The following COL19A1 variants were observed in gnomAD, a reference collection of about 807,000 sequenced individuals.
The protein encoded by COL19A1 is collagen type XIX alpha 1 chain.
Under a neutral mutation model 190.2 loss-of-function variants are expected in COL19A1, and 159 were observed. The ratio of observed to expected loss-of-function variants is 0.84; its 90% confidence interval spans 0.73 to 0.95. The LOEUF is 0.95. Ranked by LOEUF, COL19A1 falls within the 40% of genes least tolerant of loss-of-function variation. The pLI is 0.00. For synonymous variants in COL19A1, 509 were observed against 458.9 expected, an observed-to-expected ratio of 1.11 and a Z score of -1.39; for missense variants, 1,418 against 1,431.9, an observed-to-expected ratio of 0.99 and a Z score of 0.16.
At chr6:70,051,683 T>A (rs1309070214) in intron 14 of COL19A1, among the ~76,000 whole-genome samples, 1 of 152,088 alleles carries the variant, frequency 6.6e-6, no homozygotes, top group African/African-American at 2.4e-5. Flanking sequence ...ACCTCCCTCG[T>A]AAGACATGCA....
rs1214116511 is a variant in COL19A1, at chr6:69,896,589, C to T, written c.92-2359C>T. Among the ~76,000 whole-genome samples the T allele has an allele frequency of 2.1e-5, 3 of 141,414 alleles. No individual in the cohort carries two copies. In the East Asian group the frequency reaches 6.2e-4, roughly 29 times the overall value. 92.8% of individuals were successfully genotyped at this position (141,414 alleles called of 152,430 possible). On this transcript the variant is annotated intron_variant, in intron 2 of 50. Coordinates refer to ENST00000620364, the MANE Select transcript of COL19A1 (RefSeq NM_001858.6). ...AAAAAAAATACTGCCAAACAGTTTT[C>T]TGAAGTGTACTAATTTCCACTCCTA...
intron 4 of COL19A1, among the ~76,000 whole-genome samples, chr6:69,900,968 C>T (rs1770153275): frequency 6.6e-6 from 1 of 151,824 alleles, no homozygotes; most frequent in Non-Finnish European, 1.5e-5. Flanking sequence ...GGTCAGCAAC[C>T]ATACAGGGCA....
intron 14 of COL19A1, among the ~76,000 whole-genome samples, chr6:70,056,685 C>T (rs1246574462): frequency 6.6e-6 from 1 of 151,984 alleles, no homozygotes; most frequent in Non-Finnish European, 1.5e-5. Flanking sequence ...AATCTTAATC[C>T]TCCTAAGAAA....
chr6:69,881,667 T>A (rs1243878956), intron 2 of COL19A1, among the ~76,000 whole-genome samples: 1 of 152,228 alleles, frequency 6.6e-6, no homozygotes, highest in East Asian at 1.9e-4. Context: ...CAATGTGAAT[T>A]CAAAATTAAT....
At chr6:70,007,930 A>T (rs1280351100) in intron 11 of COL19A1, among the ~76,000 whole-genome samples, 1 of 151,976 alleles carries the variant, frequency 6.6e-6, no homozygotes, top group African/African-American at 2.4e-5. Context: ...ATCTCTATTA[A>T]ATCTTCAAAT....
chr6:70,203,207 C>T (rs576678169), intron 49 of COL19A1, among the ~76,000 whole-genome samples: 8 of 152,228 alleles, frequency 5.3e-5, no homozygotes, highest in East Asian at 1.9e-4. Context: ...CTATTCCACC[C>T]GAGGAATAGA....
At chr6:69,879,510 T>C in intron 1 of COL19A1, 26 bp from the exon 2 acceptor site, 1 of 1,435,038 alleles carries the variant, frequency 7.0e-7, no homozygotes, top group Non-Finnish European at 9.8e-7. Context: ...ATAAACTTTA[T>C]TCAAATTTTT....
chr6:70,109,847 C>T (rs1784187060), intron 16 of COL19A1, among the ~76,000 whole-genome samples: 2 of 151,960 alleles, frequency 1.3e-5, no homozygotes, highest in Admixed American at 6.6e-5. Flanking sequence ...TCTTTTTCCC[C>T]ACAGCTAAAT....
At chr6:70,196,280 C>T (rs966095307) in intron 48 of COL19A1, among the ~76,000 whole-genome samples, 22 of 151,980 alleles carry the variant, frequency 1.4e-4, no homozygotes, top group African/African-American at 5.3e-4. Context: ...AATAATGGAA[C>T]CAAAAGGAGA....
intron 12 of COL19A1, among the ~76,000 whole-genome samples, chr6:70,033,867 G>C (rs1465428962): frequency 6.6e-6 from 1 of 151,876 alleles, no homozygotes; most frequent in Non-Finnish European, 1.5e-5. Context: ...AATTTTTTTG[G>C]CAAGCTTAAC....
At chr6:70,165,033 A>G (rs755786248) in intron 36 of COL19A1, among the ~76,000 whole-genome samples, 2 of 152,214 alleles carry the variant, frequency 1.3e-5, no homozygotes, top group Non-Finnish European at 2.9e-5. Flanking sequence ...ATTCTTGGAC[A>G]TTGTGAGTAG....
intron 46 of COL19A1, among the ~76,000 whole-genome samples, chr6:70,185,511 T>G (rs1195191740): frequency 6.6e-6 from 1 of 152,250 alleles, no homozygotes; most frequent in African/African-American, 2.4e-5. Context: ...AAAGTGTAAC[T>G]GAAAGTATAG....
intron 35 of COL19A1, among the ~76,000 whole-genome samples, chr6:70,162,769 A>G (rs1051550862): frequency 6.6e-5 from 10 of 152,192 alleles, no homozygotes; most frequent in Non-Finnish European, 1.5e-4. Context: ...TTCCATAATT[A>G]AAGTTGTGTC....
At chr6:70,145,496 G>C (rs1786568092) in intron 25 of COL19A1, among the ~76,000 whole-genome samples, 1 of 152,102 alleles carries the variant, frequency 6.6e-6, no homozygotes, top group Non-Finnish European at 1.5e-5. Context: ...ACATAGTAGA[G>C]ATGGGAGCAA....
chr6:70,123,039 T>C (rs1018368104), intron 17 of COL19A1, among the ~76,000 whole-genome samples: 1 of 152,134 alleles, frequency 6.6e-6, no homozygotes, highest in Non-Finnish European at 1.5e-5. Context: ...AACACTTCTT[T>C]AATTTCTCAA....
chr6:70,166,932 A>G (rs1469537939), intron 37 of COL19A1, among the ~76,000 whole-genome samples: 2 of 152,240 alleles, frequency 1.3e-5, no homozygotes, highest in African/African-American at 4.8e-5. Context: ...CTATAATTTT[A>G]TAATGCACTT....
intron 48 of COL19A1, among the ~76,000 whole-genome samples, chr6:70,193,349 G>A (rs1340368827): frequency 6.6e-6 from 1 of 152,182 alleles, no homozygotes; most frequent in Non-Finnish European, 1.5e-5. Context: ...CTGTGTTGGG[G>A]CAGGCTCACC....
At chr6:70,104,970 A>G (rs984441562) in intron 16 of COL19A1, among the ~76,000 whole-genome samples, 1 of 152,192 alleles carries the variant, frequency 6.6e-6, no homozygotes, top group Non-Finnish European at 1.5e-5. Context: ...TAGGATTTAT[A>G]ATATTCAATT....
At chr6:70,049,970 C>T (rs567125763) in intron 14 of COL19A1, among the ~76,000 whole-genome samples, 14 of 151,262 alleles carry the variant, frequency 9.3e-5, no homozygotes, top group South Asian at 2.1e-4. Flanking sequence ...AAAAAGGATT[C>T]GAATTATATT....
Sources: allele counts gnomAD v4.1 joint callset (sites outside exome capture counted in the v4.1 genomes callset), GRCh38; gene constraint gnomAD v4.1.1; transcripts MANE v1.5; gene names NCBI Gene and HGNC (gene_info 2026-07-23, HGNC 2026-07-21).